PARPBP: variants seen among roughly 807,000 people sequenced by gnomAD.
The protein encoded by PARPBP is PCNA-interacting partner.
PARPBP carries 52 observed loss-of-function variants against 50.0 expected under a neutral mutation model. The ratio of observed to expected loss-of-function variants is 1.04; its 90% CI spans 0.83 to 1.31. PARPBP has a LOEUF of 1.31. Ranked by LOEUF, PARPBP falls within the 50% of genes most tolerant of loss-of-function variation. PARPBP has a pLI of 0.00. For synonymous variants in PARPBP, 244 were observed against 232.1 expected, an observed-to-expected ratio of 1.05 and a Z score of -0.47; for missense variants, 697 against 672.0, an observed-to-expected ratio of 1.04 and a Z score of -0.41.
intron 3 of PARPBP, chr12:102,149,102 T>C (rs1885848088): frequency 6.6e-6 from 1 of 152,190 alleles, no homozygotes; most frequent in Non-Finnish European, 1.5e-5. Context: ...TTTTTAGTTA[T>C]TTGAACATTT....
intron 7 of PARPBP, among the ~76,000 whole-genome samples, chr12:102,175,899 G>T (rs1386598612): frequency 6.6e-6 from 1 of 151,898 alleles, no homozygotes; most frequent in Non-Finnish European, 1.5e-5. Flanking sequence ...AAGGCATAGG[G>T]TAATCTCTGG....
intron 6 of PARPBP, among the ~76,000 whole-genome samples, chr12:102,174,221 A>G (rs1287169789): frequency 6.6e-6 from 1 of 152,006 alleles, no homozygotes; most frequent in Non-Finnish European, 1.5e-5. Flanking sequence ...GCAAACATTT[A>G]GTGCTCTTCT....
chr12:102,139,360 T>TA (rs1281055542), intron 2 of PARPBP, among the ~76,000 whole-genome samples: 1 of 152,246 alleles, frequency 6.6e-6, no homozygotes, highest in Non-Finnish European at 1.5e-5. Context: ...TGAAGTTGCT[T>TA]ATCAGCTTAA....
chr12:102,153,193 A>G (rs537987202), intron 3 of PARPBP, among the ~76,000 whole-genome samples: 4 of 152,202 alleles, frequency 2.6e-5, no homozygotes, highest in African/African-American at 9.6e-5. Context: ...TTGATCCCCT[A>G]TGATATCATC....
chr12:102,122,529 G>A (rs12422619), intron 1 of PARPBP, among the ~76,000 whole-genome samples: 6,874 of 152,304 alleles, frequency 0.045, 428 homozygotes, highest in East Asian at 0.29. Context: ...TGATGGGCAT[G>A]TGAGTATGTT....
At chr12:102,126,054 T>C (rs1243274072) in intron 2 of PARPBP, among the ~76,000 whole-genome samples, 1 of 152,240 alleles carries the variant, frequency 6.6e-6, no homozygotes, top group Non-Finnish European at 1.5e-5. Flanking sequence ...AATCACTTCA[T>C]TGGCAAATCT....
At chr12:102,148,132 TACCAAA>T in intron 2 of PARPBP, 92 bp from the exon 3 acceptor site, 2 of 545,578 alleles carry the variant, frequency 3.7e-6, no homozygotes, top group Admixed American at 7.5e-5. Context: ...ATGTAGACTT[TACCAAA>T]ATTTAATTTG....
intron 2 of PARPBP, among the ~76,000 whole-genome samples, chr12:102,130,883 G>A (rs1882750991): frequency 6.6e-6 from 1 of 151,172 alleles, no homozygotes; most frequent in African/African-American, 2.4e-5. Flanking sequence ...AAAAAAAGAA[G>A]TGGGTAAAGG....
chr12:102,135,536 CAA>C (rs34890863), intron 2 of PARPBP, among the ~76,000 whole-genome samples: 15 of 50,534 alleles, frequency 3.0e-4, no homozygotes, highest in Admixed American at 6.3e-4. Context: ...ACTCCGTCTC[CAA>C]AAAAAAAAAA....
At chr12:102,121,205 A>C (rs534509291) in intron 1 of PARPBP, among the ~76,000 whole-genome samples, 1 of 152,316 alleles carries the variant, frequency 6.6e-6, no homozygotes, top group Admixed American at 6.5e-5. Context: ...GGACTAGACC[A>C]GGGGTTGGCA....
At chr12:102,151,598 G>T in intron 3 of PARPBP, 2 of 1,535,646 alleles carry the variant, frequency 1.3e-6, no homozygotes, top group Non-Finnish European at 1.7e-6. Context: ...CCTTCAGAAA[G>T]AGGAAGCTTG....
intron 9 of PARPBP, among the ~76,000 whole-genome samples, chr12:102,186,910 C>A (rs527244071): frequency 2.2e-4 from 33 of 152,212 alleles, no homozygotes; most frequent in Admixed American, 1.3e-3. Flanking sequence ...CTGGCTAGAA[C>A]TCTTTATTTT....
rs368638024 is a variant in PARPBP at position 102,196,333 on chromosome 12, A to G, written c.*42A>G. The G allele has an allele frequency of 8.0e-6, 10 of 1,250,598 alleles. No individual in the cohort carries two copies. The highest frequency in any genetic ancestry group is 3.0e-5 in the African/African-American group (2 of 66,196). 77.5% of individuals were successfully genotyped at this position (1,250,598 alleles called of 1,614,324 possible). A position where few individuals can be genotyped will look rare whatever the true frequency, so the allele number is the denominator to read the frequency against. ...CTTTAGGTTTATGTATCTATAAACCATTCACCAAAGACATGCTTAATTTTT... is the reference window on the plus strand; with the variant it reads ...CTTTAGGTTTATGTATCTATAAACCGTTCACCAAAGACATGCTTAATTTTT... On this transcript the variant is annotated 3_prime_UTR_variant, in exon 11 of 11. Coordinates refer to ENST00000327680, the MANE Select transcript of PARPBP (RefSeq NM_017915.5).
chr12:102,196,132 A>C lies in PARPBP; in HGVS notation c.1581A>C (p.Glu527Asp). The change falls in exon 11 of 11, where the codon GAA (glutamate) becomes GAC (aspartate). Residue 527 changes from glutamate to aspartate, a missense_variant. Physicochemically the swap from Glu to Asp is conservative, Grantham distance 45. Coordinates refer to ENST00000327680, the MANE Select transcript of PARPBP (RefSeq NM_017915.5). ...GENILCDNRN[E>D]PPQHKNAKIP... ...ATATTCTCTGTGATAATAGAAATGA[A>C]CCACCTCAACATAAAAATGCTAAAA... 1 of 1,612,180 alleles carries C rather than the reference A, an allele frequency of 6.2e-7. No homozygotes were observed. The highest frequency in any genetic ancestry group is 1.3e-5 in the African/African-American group (1 of 74,962).
In PARPBP at chr12:102,148,434, A is replaced by G; in HGVS notation, c.358A>G (p.Asn120Asp). Residue 120 changes from asparagine to aspartate, a missense_variant, in exon 3 of 11, where the codon AAT (asparagine) becomes GAT (aspartate). Physicochemically the swap from Asn to Asp is conservative, Grantham distance 23. Transcript: ENST00000327680. ...VYQKCRALTS[N>D]CENYNTVSPS... is the part of the protein sequence containing the mutation. ...TCAAAAATGTAGGGCTTTGACTTCT[A>G]ATTGTGAAAATTATAACACAGTATC... 6.9e-7 allele frequency: 1 copy of G among 1,455,576 alleles called. No individual in the cohort carries two copies. Among genetic ancestry groups the G allele is most frequent in the Non-Finnish European group, 9.6e-7 (1 of 1,041,202 alleles). The allele number at this position is 1,455,576 out of a possible 1,614,324, so 90.2% of individuals were successfully genotyped here.
intron 2 of PARPBP, among the ~76,000 whole-genome samples, chr12:102,147,650 G>A (rs1193679021): frequency 6.6e-6 from 1 of 151,910 alleles, no homozygotes; most frequent in African/African-American, 2.4e-5. Context: ...CACCAGCATG[G>A]CATATGTATA....
Position 102,197,418 on chromosome 12 carries a change from G to A in PARPBP, c.*1127G>A. On this transcript the variant is annotated 3_prime_UTR_variant, in exon 11 of 11. Transcript: ENST00000327680. ...GTCCTAATGCATATTGTGACTGTTT[G>A]CATATACTTCTGTTTATAAAAGTAT... 1 of 1,070,606 alleles carries A rather than the reference G, an allele frequency of 9.3e-7. No homozygotes were observed. Among genetic ancestry groups the A allele is most frequent in the South Asian group, 1.6e-5 (1 of 64,356 alleles). The allele number at this position is 1,070,606 out of a possible 1,614,324, so 66.3% of individuals were successfully genotyped here. A position where few individuals can be genotyped will look rare whatever the true frequency, so the allele number is the denominator to read the frequency against.
intron 6 of PARPBP, among the ~76,000 whole-genome samples, chr12:102,170,797 T>C (rs1311008741): frequency 1.3e-5 from 2 of 152,198 alleles, no homozygotes; most frequent in Non-Finnish European, 2.9e-5. Flanking sequence ...TTTGAAACTT[T>C]TTGAGTCTTG....
intron 4 of PARPBP, among the ~76,000 whole-genome samples, chr12:102,157,484 G>C (rs1887084456): frequency 6.8e-6 from 1 of 148,108 alleles, no homozygotes; most frequent in Non-Finnish European, 1.5e-5. Context: ...TTAATTCCTT[G>C]TGGTATTATT....
Sources: allele counts gnomAD v4.1 joint callset (sites outside exome capture counted in the v4.1 genomes callset), GRCh38; gene constraint gnomAD v4.1.1; transcripts MANE v1.5; gene names NCBI Gene and HGNC (gene_info 2026-07-23, HGNC 2026-07-21).